PRLR: variants seen among roughly 807,000 people sequenced by gnomAD.
PRLR encodes hPRL receptor.
Under a neutral mutation model 40.2 loss-of-function variants are expected in PRLR, and 13 were observed. That is an observed-to-expected ratio of 0.32 (90% CI 0.21 to 0.51). The LOEUF is 0.51. Among genes scored for constraint, PRLR ranks in the 20% least tolerant of loss-of-function variants. The pLI, the probability that PRLR is intolerant of heterozygous loss-of-function variation, is 0.97. For missense variants in PRLR, 656 were observed against 747.3 expected, an observed-to-expected ratio of 0.88 and a Z score of 1.42; for synonymous variants, 269 against 278.7, an observed-to-expected ratio of 0.97 and a Z score of 0.35.
chr5:35,135,731 C>T (rs893145453), intron 1 of PRLR, among the ~76,000 whole-genome samples: 4 of 152,134 alleles, frequency 2.6e-5, no homozygotes, highest in Non-Finnish European at 5.9e-5. Flanking sequence ...TTGTTAGACG[C>T]GGCAATCACG....
At chr5:35,215,728 C>T (rs1776268737) in intron 1 of PRLR, among the ~76,000 whole-genome samples, 1 of 151,902 alleles carries the variant, frequency 6.6e-6, no homozygotes, top group Admixed American at 6.6e-5. Context: ...GAGTGGAATC[C>T]ATTGCTATTT....
At chr5:35,156,876 C>T (rs902232686) in intron 1 of PRLR, among the ~76,000 whole-genome samples, 1 of 152,084 alleles carries the variant, frequency 6.6e-6, no homozygotes, top group African/African-American at 2.4e-5. Flanking sequence ...GAGATGAAAC[C>T]TCATGGAAGA....
At chr5:35,176,685 G>C (rs983548169) in intron 1 of PRLR, among the ~76,000 whole-genome samples, 6 of 152,272 alleles carry the variant, frequency 3.9e-5, no homozygotes, top group African/African-American at 1.4e-4. Context: ...ACTGCGGAAG[G>C]CCGCAGGGAC....
At chr5:35,052,484 C>A (rs1768527468), downstream of PRLR, among the ~76,000 whole-genome samples, 1 of 152,118 alleles carries the variant, frequency 6.6e-6, no homozygotes, top group African/African-American at 2.4e-5. Flanking sequence ...AGGGGCCCAG[C>A]AGCAGTTCTC....
chr5:35,179,573 T>C (rs1775237780), intron 1 of PRLR, among the ~76,000 whole-genome samples: 1 of 152,246 alleles, frequency 6.6e-6, no homozygotes, highest in Non-Finnish European at 1.5e-5. Context: ...ACACAGTGAC[T>C]TGATAACAGC....
chr5:35,070,039 G>T lies in PRLR; in HGVS notation c.685+85C>A, dbSNP rs1579572076. 7.6e-6 allele frequency: 11 copies of T among 1,448,472 alleles called. No individual in the cohort carries two copies. The East Asian group carries it at 2.3e-4, about 31-fold the overall frequency. 89.7% of individuals were successfully genotyped at this position (1,448,472 alleles called of 1,614,324 possible). ...ATTGTTCTGGCTAAGGCTCAAAATG[G>T]TTTCTCTATTAGTAGTTATTATATG... On this transcript the variant is annotated intron_variant, in intron 7 of 9. Coordinates refer to ENST00000618457, the MANE Select transcript of PRLR (RefSeq NM_000949.7).
intron 2 of PRLR, among the ~76,000 whole-genome samples, chr5:35,106,198 G>A (rs1772236537): frequency 6.6e-6 from 1 of 152,128 alleles, no homozygotes; most frequent in African/African-American, 2.4e-5. Flanking sequence ...TCACCACCAG[G>A]CCTGCCTTAC....
chr5:35,197,458 G>A (rs17249574), intron 1 of PRLR, among the ~76,000 whole-genome samples: 14,899 of 152,250 alleles, frequency 0.098, 944 homozygotes, highest in Non-Finnish European at 0.13. Context: ...TCAGATCTGG[G>A]AGTGACCCCC....
At chr5:35,175,254 C>T (rs1775113603) in intron 1 of PRLR, among the ~76,000 whole-genome samples, 1 of 152,148 alleles carries the variant, frequency 6.6e-6, no homozygotes, top group Non-Finnish European at 1.5e-5. Context: ...GTGAATAATT[C>T]TCACAAGATC....
chr5:35,102,734 G>T (rs1039559226), intron 2 of PRLR, among the ~76,000 whole-genome samples: 2 of 151,996 alleles, frequency 1.3e-5, no homozygotes, highest in Non-Finnish European at 2.9e-5. Flanking sequence ...GTAGAGATGG[G>T]GTTTCACCAT....
At chr5:35,086,906 G>A (rs1038413810) in intron 3 of PRLR, among the ~76,000 whole-genome samples, 8 of 152,048 alleles carry the variant, frequency 5.3e-5, no homozygotes, top group South Asian at 2.1e-4. Flanking sequence ...TCTTCTGTCC[G>A]TTCACTACAT....
At chr5:35,168,385 C>T (rs1020167903) in intron 1 of PRLR, among the ~76,000 whole-genome samples, 5 of 151,738 alleles carry the variant, frequency 3.3e-5, no homozygotes, top group Non-Finnish European at 7.4e-5. Flanking sequence ...AACACTACAG[C>T]CAACAACTGT....
At chr5:35,069,184 G>A (rs1439004564) in intron 7 of PRLR, among the ~76,000 whole-genome samples, 1 of 152,004 alleles carries the variant, frequency 6.6e-6, no homozygotes, top group East Asian at 1.9e-4. Context: ...AATAATAAAA[G>A]CTAACATTAA....
intron 1 of PRLR, among the ~76,000 whole-genome samples, chr5:35,147,186 C>G (rs1284577998): frequency 6.6e-6 from 1 of 152,160 alleles, no homozygotes; most frequent in African/African-American, 2.4e-5. Flanking sequence ...GAAAGGACAG[C>G]AAAGATTTAA....
chr5:35,147,719 T>C (rs1374666277), intron 1 of PRLR, among the ~76,000 whole-genome samples: 1 of 152,170 alleles, frequency 6.6e-6, no homozygotes, highest in East Asian at 1.9e-4. Flanking sequence ...GTACTATTAA[T>C]TTTCAGAAGA....
exon 9 of PRLR, chr5:35,049,029 G>T (rs1768381260): frequency 1.8e-6 from 1 of 545,642 alleles, no homozygotes; most frequent in African/African-American, 1.9e-5. Context: ...GGAGGTGAAG[G>T]CACTAGGTAA....
At chr5:35,087,953 G>GAGAAC (rs1770963381) in intron 3 of PRLR, among the ~76,000 whole-genome samples, 1 of 152,218 alleles carries the variant, frequency 6.6e-6, no homozygotes, top group Admixed American at 6.5e-5. Flanking sequence ...ATATGGGTCA[G>GAGAAC]CACCTCCGGG....
At chr5:35,186,769 C>T (rs1490814513) in intron 1 of PRLR, among the ~76,000 whole-genome samples, 1 of 152,172 alleles carries the variant, frequency 6.6e-6, no homozygotes, top group African/African-American at 2.4e-5. Flanking sequence ...CAGATTTTTA[C>T]AATGTTCTTG....
rs926610261 is a variant in PRLR, at chr5:35,218,787, AT to A, written c.-106+11480del. Reference sequence around the variant, plus strand: ...AAATTAATATGACTCTCTTTTTTTAATTTTTTTTTTTTAAGTTTCCAAAGGC... The same window carrying A: ...AAATTAATATGACTCTCTTTTTTTAATTTTTTTTTTTAAGTTTCCAAAGGC... On this transcript the variant is annotated intron_variant, in intron 1 of 9. Coordinates refer to ENST00000618457, the MANE Select transcript of PRLR (RefSeq NM_000949.7). Among the ~76,000 whole-genome samples the A allele has an allele frequency of 9.1e-3, 1,354 of 148,114 alleles. 16 individuals are homozygous for A. The highest frequency in any genetic ancestry group is 0.03 in the African/African-American group (1,237 of 40,698).
Sources: allele counts gnomAD v4.1 joint callset (sites outside exome capture counted in the v4.1 genomes callset), GRCh38; gene constraint gnomAD v4.1.1; transcripts MANE v1.5; gene names NCBI Gene and HGNC (gene_info 2026-07-23, HGNC 2026-07-21).